Variants in QSER1 observed in about 807,000 individuals in gnomAD.
QSER1 encodes the protein glutamine and serine-rich protein 1.
Under a neutral mutation model 158.5 loss-of-function variants are expected in QSER1, and 49 were observed. The ratio of observed to expected loss-of-function variants is 0.31; its 90% confidence interval spans 0.25 to 0.39. The LOEUF (loss-of-function observed/expected upper bound fraction) is 0.39. QSER1 is among the 10% of genes least tolerant of loss of function. The pLI is 1.00. For missense variants in QSER1, 1,754 were observed against 2,010.3 expected, an observed-to-expected ratio of 0.87 and a Z score of 2.44; for synonymous variants, 650 against 715.5, an observed-to-expected ratio of 0.91 and a Z score of 1.46.
chr11:32,924,765 CA>C (rs1851946127), intron 1 of QSER1, among the ~76,000 whole-genome samples: 1 of 151,906 alleles, frequency 6.6e-6, no homozygotes, highest in African/African-American at 2.4e-5. Context: ...ATTTTAGATT[CA>C]GGGGGTACAT....
rs747986228 is a variant in QSER1 at position 32,935,056 on chromosome 11, G to A, written c.3798G>A (p.Glu1266=). The A allele has an allele frequency of 1.2e-5, 20 of 1,613,962 alleles. No homozygotes were observed. The highest frequency in any genetic ancestry group is 1.5e-5 in the Non-Finnish European group (18 of 1,180,004). ...AAAAAATGAGACAGAAGATCAAAGA[G>A]GTGGAGGAAAAACAACCAGAAGTCA... The part of the protein sequence containing the change: ...HQEKMRQKIK[E]VEEKQPEVKT... The change falls in exon 4 of 13, where the codon GAG becomes GAA. Residue 1266 remains glutamate (E), a synonymous_variant. Transcript: ENST00000650167.
At chr11:32,939,016 A>G (rs886298118) in intron 4 of QSER1, among the ~76,000 whole-genome samples, 7 of 152,194 alleles carry the variant, frequency 4.6e-5, no homozygotes, top group African/African-American at 1.4e-4. Context: ...TATTTTCACC[A>G]TTCCTTACTC....
Position 32,978,176 on chromosome 11 carries a change from G to A in QSER1, c.*1702G>A, listed in dbSNP as rs913961770. 2 of 152,554 alleles carry A rather than the reference G, an allele frequency of 1.3e-5. No homozygotes were observed. The highest frequency in any genetic ancestry group is 4.8e-5 in the African/African-American group (2 of 41,428). 9.5% of individuals were successfully genotyped at this position (152,554 alleles called of 1,614,324 possible). On this transcript the variant is annotated 3_prime_UTR_variant, in exon 13 of 13. Transcript: ENST00000650167. ...TGGAAGTTTCTCTCAAGGGTTAAAT[G>A]TTCCATTTTTGAAAGTTTTAAAAAA...
At chr11:32,902,876 C>T (rs1367910365) in intron 1 of QSER1, among the ~76,000 whole-genome samples, 1 of 152,132 alleles carries the variant, frequency 6.6e-6, no homozygotes, top group Non-Finnish European at 1.5e-5. Context: ...GACAAGGAAA[C>T]TCAAGCAAAG....
chr11:32,913,264 C>G (rs1851791989), intron 1 of QSER1, among the ~76,000 whole-genome samples: 1 of 140,320 alleles, frequency 7.1e-6, no homozygotes, highest in African/African-American at 2.6e-5. Flanking sequence ...GATCTCGGCT[C>G]ACTGCAAGCT....
intron 1 of QSER1, among the ~76,000 whole-genome samples, chr11:32,897,491 C>T (rs1191989316): frequency 1.3e-5 from 2 of 152,222 alleles, no homozygotes; most frequent in African/African-American, 4.8e-5. Flanking sequence ...TTTTCACTTC[C>T]ATAGCACTGT....
intron 8 of QSER1, among the ~76,000 whole-genome samples, chr11:32,959,612 T>G (rs1284130360): frequency 1.3e-5 from 2 of 152,158 alleles, no homozygotes; most frequent in Admixed American, 6.6e-5. Context: ...GTGAATTAGT[T>G]GTTGGGGCTA....
intron 1 of QSER1, among the ~76,000 whole-genome samples, chr11:32,898,038 A>T (rs1851577693): frequency 1.3e-5 from 2 of 152,172 alleles, no homozygotes; most frequent in Non-Finnish European, 1.5e-5. Flanking sequence ...TAACTTAGTC[A>T]TCTTGGACCT....
rs1852067352 is a variant in QSER1 at position 32,932,583 on chromosome 11, T to C, written c.1325T>C (p.Leu442Ser). ...PVQTLSYSKPLHNQSSVISGQ... is the reference protein window; with the variant it reads ...PVQTLSYSKPSHNQSSVISGQ... Reference sequence around the variant, plus strand: ...CAAACACTAAGCTATTCCAAACCTTTACATAATCAGAGTTCTGTAATATCG... The same window carrying C: ...CAAACACTAAGCTATTCCAAACCTTCACATAATCAGAGTTCTGTAATATCG... Residue 442 changes from leucine (L) to serine (S), a missense_variant, in exon 4 of 13, where the codon TTA becomes TCA. Physicochemically the swap from Leu to Ser is moderately radical, Grantham distance 145. Coordinates refer to ENST00000650167, the MANE Select transcript of QSER1 (RefSeq NM_001076786.3). The C allele has an allele frequency of 1.2e-6, 2 of 1,614,162 alleles. No individual in the cohort carries two copies. The highest frequency in any genetic ancestry group is 1.3e-5 in the African/African-American group (1 of 75,062).
intron 1 of QSER1, among the ~76,000 whole-genome samples, chr11:32,919,590 C>T (rs1351778495): frequency 1.3e-5 from 2 of 152,192 alleles, no homozygotes. Flanking sequence ...AAGCCTTTAT[C>T]ACCTGGTCGA....
chr11:32,926,538 T>G (rs919755305), intron 1 of QSER1, among the ~76,000 whole-genome samples: 1 of 152,204 alleles, frequency 6.6e-6, no homozygotes, highest in Non-Finnish European at 1.5e-5. Context: ...GTTCATTGTA[T>G]TTTTGATTTC....
At chr11:32,925,694 A>G (rs778236879) in intron 1 of QSER1, among the ~76,000 whole-genome samples, 1 of 151,570 alleles carries the variant, frequency 6.6e-6, no homozygotes, top group African/African-American at 2.4e-5. Flanking sequence ...CGCCCAGCTA[A>G]TTTTTGTATT....
At chr11:32,974,030 A>G (rs1295801553) in intron 11 of QSER1, among the ~76,000 whole-genome samples, 1 of 152,236 alleles carries the variant, frequency 6.6e-6, no homozygotes, top group Non-Finnish European at 1.5e-5. Context: ...CATATCTGCA[A>G]AGTCATTAAA....
chr11:32,969,254 A>G (rs1287999332), intron 10 of QSER1, 111 bp downstream of exon 10: 1 of 711,300 alleles, frequency 1.4e-6, no homozygotes, highest in African/African-American at 1.9e-5. Context: ...TCACCTAATG[A>G]AAATTTGGCT....
intron 1 of QSER1, among the ~76,000 whole-genome samples, chr11:32,895,921 G>A (rs185329580): frequency 1.8e-4 from 28 of 152,322 alleles, no homozygotes; most frequent in Non-Finnish European, 1.8e-4. Flanking sequence ...GAAAAATAGA[G>A]TGGGAAACTC....
intron 10 of QSER1, among the ~76,000 whole-genome samples, 191 bp downstream of exon 10, chr11:32,969,334 A>ATT (rs1004945741): frequency 9.2e-5 from 14 of 152,062 alleles, no homozygotes; most frequent in African/African-American, 3.4e-4. Context: ...ACTTAAATTT[A>ATT]TTTTTTAGGC....
At chr11:32,970,446 C>T (rs970609927) in intron 10 of QSER1, among the ~76,000 whole-genome samples, 4 of 152,072 alleles carry the variant, frequency 2.6e-5, no homozygotes, top group African/African-American at 4.8e-5. Flanking sequence ...GTTCTTTCGC[C>T]GAGGCTGGAG....
Position 32,927,228 on chromosome 11 carries a change from C to T in QSER1, c.281C>T (p.Ser94Phe), listed in dbSNP as rs1851983838. The T allele has an allele frequency of 2.0e-5, 3 of 152,744 alleles. No homozygotes were observed. The South Asian group carries it at 6.2e-4, about 32-fold the overall frequency. 9.5% of individuals were successfully genotyped at this position (152,744 alleles called of 1,614,324 possible). A position where few individuals can be genotyped will look rare whatever the true frequency, so the allele number is the denominator to read the frequency against. The change falls in exon 2 of 13, where the codon TCT (serine) becomes TTT (phenylalanine). Residue 94 changes from serine to phenylalanine, a missense_variant. Physicochemically the swap from Ser to Phe is radical, Grantham distance 155. Transcript: ENST00000650167. ...CTTCAGAGACAGAGTTTTGCAGCCT[C>T]TCATCAGCTTCCTGGATATGCTCCC... Reference protein sequence around the residue: ...DLLQRQSFAASHQLPGYAPTP... With the variant: ...DLLQRQSFAAFHQLPGYAPTP...
At chr11:32,913,191 T>A in intron 1 of QSER1, among the ~76,000 whole-genome samples, 1 of 132,606 alleles carries the variant, frequency 7.5e-6, no homozygotes, top group African/African-American at 3.0e-5. Flanking sequence ...TTTTTTTTTT[T>A]TTTTTTTTTT....
Sources: gnomAD v4.1 joint callset for allele counts (sites outside exome capture counted in the v4.1 genomes callset) on GRCh38, gnomAD v4.1.1 for gene constraint, MANE v1.5 for transcripts, NCBI Gene and HGNC (gene_info 2026-07-23, HGNC 2026-07-21) for gene names.